ITGB3BP: variants seen among roughly 807,000 people sequenced by gnomAD.
ITGB3BP encodes integrin subunit beta 3 binding protein, also known as centromere protein R.
A neutral mutation model predicts 29.1 loss-of-function variants in ITGB3BP; 27 were observed. The observed-to-expected ratio is 0.93, with a 90% CI of 0.68 to 1.28. ITGB3BP has a LOEUF of 1.28. ITGB3BP is among the 50% of genes most tolerant of loss of function. ITGB3BP has a pLI of 0.00. For synonymous variants in ITGB3BP, 61 were observed against 61.4 expected, an observed-to-expected ratio of 0.99 and a Z score of 0.03; for missense variants, 192 against 200.2, an observed-to-expected ratio of 0.96 and a Z score of 0.25.
chr1:63,476,611 T>G (rs975319986), intron 4 of ITGB3BP, among the ~76,000 whole-genome samples: 1 of 152,190 alleles, frequency 6.6e-6, no homozygotes, highest in Non-Finnish European at 1.5e-5. Context: ...AAGCTCTAAA[T>G]AAATTGATGG....
intron 2 of ITGB3BP, among the ~76,000 whole-genome samples, chr1:63,490,521 C>A (rs767974155): frequency 2.0e-5 from 3 of 152,116 alleles, no homozygotes; most frequent in Non-Finnish European, 4.4e-5. Context: ...CCCAACCATA[C>A]CCTGACTTTT....
upstream of ITGB3BP, among the ~76,000 whole-genome samples, chr1:63,527,585 T>G (rs1180880708): frequency 2.0e-5 from 3 of 152,144 alleles, no homozygotes; most frequent in Non-Finnish European, 2.9e-5. Context: ...CATATCATGG[T>G]GTCAAAATTT....
At chr1:63,496,807 A>T (rs770839405) in intron 2 of ITGB3BP, among the ~76,000 whole-genome samples, 6 of 152,158 alleles carry the variant, frequency 3.9e-5, no homozygotes, top group Non-Finnish European at 8.8e-5. Context: ...ACTTGATCTC[A>T]TTTTACTGGA....
intron 4 of ITGB3BP, among the ~76,000 whole-genome samples, chr1:63,470,761 G>A (rs1304296175): frequency 6.6e-6 from 1 of 151,670 alleles, no homozygotes; most frequent in Non-Finnish European, 1.5e-5. Context: ...CACTTCTGTT[G>A]GGTATATACC....
intron 8 of ITGB3BP, among the ~76,000 whole-genome samples, chr1:63,445,012 C>T (rs763739707): frequency 6.6e-6 from 1 of 152,210 alleles, no homozygotes; most frequent in African/African-American, 2.4e-5. Flanking sequence ...GGGCTGGGCA[C>T]GGTGGCTCAT....
At chr1:63,493,322 C>T (rs759748864) in intron 2 of ITGB3BP, among the ~76,000 whole-genome samples, 1 of 151,822 alleles carries the variant, frequency 6.6e-6, no homozygotes, top group Non-Finnish European at 1.5e-5. Context: ...GGCTGAGGCA[C>T]GAGAATCACT....
At chr1:63,503,787 C>T (rs1462883063) in intron 2 of ITGB3BP, among the ~76,000 whole-genome samples, 4 of 152,052 alleles carry the variant, frequency 2.6e-5, no homozygotes, top group South Asian at 2.1e-4. Context: ...CCCCATTTCT[C>T]GTTTTTGTCA....
intron 2 of ITGB3BP, among the ~76,000 whole-genome samples, chr1:63,499,230 C>T (rs888835501): frequency 8.1e-5 from 12 of 147,374 alleles, no homozygotes; most frequent in Non-Finnish European, 1.6e-4. Context: ...GGCGCGATCT[C>T]GGCTCACCGC....
intron 4 of ITGB3BP, among the ~76,000 whole-genome samples, chr1:63,460,033 C>T (rs184655806): frequency 1.3e-5 from 2 of 152,034 alleles, no homozygotes; most frequent in East Asian, 1.9e-4. Context: ...AAAAATTCCC[C>T]CCCGTGTTTA....
intron 1 of ITGB3BP, among the ~76,000 whole-genome samples, chr1:63,515,884 T>A (rs1646308007): frequency 7.2e-6 from 1 of 138,676 alleles, no homozygotes; most frequent in Non-Finnish European, 1.6e-5. Context: ...CACTACTGGG[T>A]ATCTATCAAA....
At chr1:63,467,522 C>CTGATTGATTGAT (rs55927407) in intron 4 of ITGB3BP, among the ~76,000 whole-genome samples, 2 of 149,636 alleles carry the variant, frequency 1.3e-5, no homozygotes, top group Non-Finnish European at 3.0e-5. Context: ...TGCTTGCTTG[C>CTGATTGATTGAT]TGATTGATTG....
chr1:63,492,042 T>C (rs756626596), intron 2 of ITGB3BP, among the ~76,000 whole-genome samples: 1 of 152,170 alleles, frequency 6.6e-6, no homozygotes, highest in Non-Finnish European at 1.5e-5. Context: ...CTAATGTACA[T>C]CTATATCTAT....
chr1:63,519,620 G>T (rs1265704228), intron 1 of ITGB3BP, among the ~76,000 whole-genome samples: 1 of 151,972 alleles, frequency 6.6e-6, no homozygotes, highest in Non-Finnish European at 1.5e-5. Context: ...ATTTATAAAA[G>T]AAATTATATA....
At position 63,446,867 on chromosome 1, in the gene ITGB3BP, GAAGA is replaced by G. The variant is rs1557605297; in HGVS notation, c.485-15_485-12del. 5 of 1,594,786 alleles carry G rather than the reference GAAGA, an allele frequency of 3.1e-6. No homozygotes were observed. In the South Asian group the frequency reaches 3.3e-5, roughly 11 times the overall value. ...CAAGATGACGTGATGCTATATGAAAGAAGAAAGGTTTTTTTTTTCAGAAAACAAT... is the reference window on the plus strand; with the variant it reads ...CAAGATGACGTGATGCTATATGAAAGAAGGTTTTTTTTTTCAGAAAACAAT... On this transcript the variant is annotated splice_polypyrimidine_tract_variant and intron_variant, in intron 7 of 8. Coordinates refer to ENST00000271002, the MANE Select transcript of ITGB3BP (RefSeq NM_014288.5).
chr1:63,471,712 T>C (rs1303964749), intron 4 of ITGB3BP, among the ~76,000 whole-genome samples: 1 of 152,218 alleles, frequency 6.6e-6, no homozygotes, highest in Non-Finnish European at 1.5e-5. Flanking sequence ...ATACAACTAA[T>C]TCAGCTAAAT....
intron 1 of ITGB3BP, 28 bp from the exon 2 acceptor site, chr1:63,508,598 T>A: frequency 9.4e-7 from 1 of 1,061,074 alleles, no homozygotes; most frequent in Non-Finnish European, 1.4e-6. Context: ...AAAGAAATTT[T>A]AGATTTGACA....
intron 8 of ITGB3BP, among the ~76,000 whole-genome samples, chr1:63,442,191 GAAT>G: frequency 1.2e-5 from 1 of 86,888 alleles, no homozygotes; most frequent in South Asian, 4.0e-4. Context: ...TTACAGTAGA[GAAT>G]AATACTTCTC....
At chr1:63,510,585 A>G (rs758527974) in intron 1 of ITGB3BP, among the ~76,000 whole-genome samples, 2 of 152,356 alleles carry the variant, frequency 1.3e-5, no homozygotes, top group South Asian at 4.1e-4. Flanking sequence ...CAAAAGTTAT[A>G]ATACTTAAAA....
intron 2 of ITGB3BP, among the ~76,000 whole-genome samples, chr1:63,507,320 G>A (rs1381593495): frequency 6.6e-6 from 1 of 152,134 alleles, no homozygotes; most frequent in Non-Finnish European, 1.5e-5. Context: ...TCTAATACAG[G>A]ATGTCAGCTG....
Sources: gnomAD v4.1 joint callset for allele counts (sites outside exome capture counted in the v4.1 genomes callset) on GRCh38, gnomAD v4.1.1 for gene constraint, MANE v1.5 for transcripts, NCBI Gene and HGNC (gene_info 2026-07-23, HGNC 2026-07-21) for gene names.